The following DGKG variants were observed in gnomAD, a reference collection of about 807,000 sequenced individuals.
DGKG encodes the protein DAG kinase gamma.
Under a neutral mutation model 105.3 loss-of-function variants are expected in DGKG, and 78 were observed. That is an observed-to-expected ratio of 0.74 (90% CI 0.62 to 0.89). DGKG has a LOEUF of 0.89. Among genes scored for constraint, DGKG ranks in the 40% least tolerant of loss-of-function variants. The pLI, the probability that DGKG is intolerant of heterozygous loss-of-function variation, is 0.00. For missense variants in DGKG, 958 were observed against 1,020.1 expected, an observed-to-expected ratio of 0.94 and a Z score of 0.83; for synonymous variants, 346 against 367.1, an observed-to-expected ratio of 0.94 and a Z score of 0.66.
chr3:186,270,304 TC>T (rs1349026695), intron 11 of DGKG, among the ~76,000 whole-genome samples: 1 of 152,196 alleles, frequency 6.6e-6, no homozygotes, highest in Non-Finnish European at 1.5e-5. Flanking sequence ...TTTTGTATCT[TC>T]TTTTTGTAAA....
Position 186,203,815 on chromosome 3 carries a change from T to C in DGKG, c.1917+7980A>G, listed in dbSNP as rs1718590449. 6.6e-6 allele frequency among the ~76,000 whole-genome samples: 1 copy of C among 152,240 alleles called. No homozygotes were observed. Among genetic ancestry groups the C allele is most frequent in the African/African-American group, 2.4e-5 (1 of 41,476 alleles). On this transcript the variant is annotated intron_variant, in intron 21 of 24. Transcript: ENST00000265022. The surrounding 1 kb of genome is among the most constrained non-coding windows in gnomAD (Gnocchi z 4.9). ...CTTCCCCATGCGTGTTTCCATTTCT[T>C]CCACTGTGGCGGCATGGACAGGCTG...
At chr3:186,187,860 G>T (rs947267620) in intron 22 of DGKG, among the ~76,000 whole-genome samples, 1 of 152,092 alleles carries the variant, frequency 6.6e-6, no homozygotes, top group Non-Finnish European at 1.5e-5. Flanking sequence ...TGATCAGCTG[G>T]GTCACATGCC....
chr3:186,159,661 A>C (rs2108474624), intron 24 of DGKG: 1 of 152,338 alleles, frequency 6.6e-6, no homozygotes, highest in African/African-American at 2.4e-5. Context: ...GTATACCTTC[A>C]AGAAGATGTT....
intron 1 of DGKG, among the ~76,000 whole-genome samples, chr3:186,347,137 G>A (rs541113769): frequency 4.3e-4 from 65 of 151,986 alleles, no homozygotes; most frequent in African/African-American, 1.3e-3. Flanking sequence ...TGACCAATGC[G>A]TGGTTCTTTG....
intron 19 of DGKG, among the ~76,000 whole-genome samples, chr3:186,245,469 A>T (rs1311318888): frequency 2.0e-5 from 3 of 152,188 alleles, no homozygotes; most frequent in Non-Finnish European, 4.4e-5. Context: ...ATCAGTAGTG[A>T]CTTCATTTAA....
At chr3:186,170,747 G>A (rs1187094376) in intron 22 of DGKG, among the ~76,000 whole-genome samples, 8 of 152,152 alleles carry the variant, frequency 5.3e-5, no homozygotes, top group Admixed American at 5.2e-4. Flanking sequence ...CATTCACCCG[G>A]ACAACTCCCA....
rs1256788684 is a variant in DGKG, at chr3:186,275,610, T to C, written c.847A>G (p.Thr283Ala). ...AWTMKHFKKP[T>A]YCNFCHIMLM... ...ATGATATGGCAGAAGTTGCAGTAGG[T>C]TGGTTTCTTGAAGTGCTTCATGGTC... is the stretch of plus-strand genomic sequence containing the variant. Residue 283 changes from threonine to alanine, a missense_variant, in exon 10 of 25, where the codon ACC (threonine) becomes GCC (alanine). Transcript: ENST00000265022. 3 of 1,614,162 alleles carry C rather than the reference T, an allele frequency of 1.9e-6. No homozygotes were observed. Among genetic ancestry groups the C allele is most frequent in the Admixed American group, 1.7e-5 (1 of 60,028 alleles).
chr3:186,298,166 G>T lies in DGKG; in HGVS notation c.208C>A (p.Pro70Thr), dbSNP rs779717683. The T allele has an allele frequency of 1.1e-5, 17 of 1,613,976 alleles. No individual in the cohort carries two copies. Among genetic ancestry groups the T allele is most frequent in the African/African-American group, 1.3e-5 (1 of 74,936 alleles). ...RAYLEVDLPQ[P>T]LSTHLFLAFS... Reference sequence around the variant, plus strand: ...GCCAGGAAGAGGTGAGTGCTCAGTGGCTGGGGAAGGTCCACCTCCAGGTAC... The same window carrying T: ...GCCAGGAAGAGGTGAGTGCTCAGTGTCTGGGGAAGGTCCACCTCCAGGTAC... Residue 70 changes from proline to threonine, a missense_variant, in exon 4 of 25, where the codon CCA (proline) becomes ACA (threonine). Around this residue, in one of 2 missense-constraint regions of DGKG, gnomAD observed 643 missense variants for 619.5 expected, o/e 1.04. Coordinates refer to ENST00000265022, the MANE Select transcript of DGKG (RefSeq NM_001346.3).
chr3:186,315,368 C>T (rs1370149652), intron 2 of DGKG, among the ~76,000 whole-genome samples: 5 of 152,328 alleles, frequency 3.3e-5, no homozygotes, highest in Middle Eastern at 3.4e-3. Context: ...TTTAATACAA[C>T]GAGCTCTTCT....
At chr3:186,180,338 T>C (rs191885299) in intron 22 of DGKG, among the ~76,000 whole-genome samples, 120 of 152,236 alleles carry the variant, frequency 7.9e-4, no homozygotes, top group African/African-American at 2.8e-3. Context: ...TGTGATTTCC[T>C]GTGAAAAGCA....
At position 186,150,108 on chromosome 3, in the gene DGKG, C is replaced by A; in HGVS notation, c.2358G>T (p.Lys786Asn). The A allele has an allele frequency of 6.2e-7, 1 of 1,613,588 alleles. No homozygotes were observed. The highest frequency in any genetic ancestry group is 8.5e-7 in the Non-Finnish European group (1 of 1,179,760). Residue 786 changes from lysine (K) to asparagine (N), a missense_variant, in exon 25 of 25, where the codon AAG becomes AAT. Transcript: ENST00000265022. ...QKSSFFSLRR[K>N]SRSKD ...ACACTGTTTAGTCTTTTGAACGGCT[C>A]TTCCTTCTCAACGAGAAGAAGCTGC...
At chr3:186,161,905 G>T (rs1231946693) in intron 23 of DGKG, among the ~76,000 whole-genome samples, 2 of 152,114 alleles carry the variant, frequency 1.3e-5, no homozygotes. Context: ...GTGTGTGTGT[G>T]TGTTTTGAGA....
intron 24 of DGKG, among the ~76,000 whole-genome samples, chr3:186,153,052 A>G (rs1472024433): frequency 6.8e-6 from 1 of 146,678 alleles, no homozygotes; most frequent in Non-Finnish European, 1.5e-5. Flanking sequence ...GCTAGTTAGT[A>G]CCTCCAGGGC....
chr3:186,342,732 C>A (rs1185976902), intron 1 of DGKG, among the ~76,000 whole-genome samples: 14 of 151,862 alleles, frequency 9.2e-5, no homozygotes, highest in Admixed American at 9.2e-4. Flanking sequence ...AATAAGTAGC[C>A]AAGAAGTCTA....
chr3:186,198,165 A>G (rs1718276202), intron 21 of DGKG, among the ~76,000 whole-genome samples: 1 of 152,198 alleles, frequency 6.6e-6, no homozygotes, highest in Non-Finnish European at 1.5e-5. Context: ...GTGTTCTTTG[A>G]AGAAACGTGA....
chr3:186,190,546 A>T (rs1403325414), intron 21 of DGKG, among the ~76,000 whole-genome samples: 1 of 152,192 alleles, frequency 6.6e-6, no homozygotes, highest in Admixed American at 6.5e-5. Context: ...TGCACTGGCC[A>T]TTTTGTTAGT....
At chr3:186,243,578 C>A (rs1323915895) in intron 19 of DGKG, among the ~76,000 whole-genome samples, 1 of 152,172 alleles carries the variant, frequency 6.6e-6, no homozygotes, top group African/African-American at 2.4e-5. Context: ...ACTTGTCTTT[C>A]CTCCTCAAAC....
At chr3:186,344,356 T>A (rs376262104) in intron 1 of DGKG, among the ~76,000 whole-genome samples, 1 of 151,644 alleles carries the variant, frequency 6.6e-6, no homozygotes, top group Non-Finnish European at 1.5e-5. Context: ...CAGTGACAGA[T>A]TGGATAAAGA....
chr3:186,167,475 C>T (rs1274371127), intron 22 of DGKG, among the ~76,000 whole-genome samples: 1 of 152,152 alleles, frequency 6.6e-6, no homozygotes, highest in African/African-American at 2.4e-5. Context: ...TTGGGAAATT[C>T]TGGCATCACT....
Sources: gnomAD v4.1 joint callset for allele counts (sites outside exome capture counted in the v4.1 genomes callset) on GRCh38, gnomAD v4.1.1 for gene constraint, gnomAD v4.1.1 regional missense constraint, Gnocchi (gnomAD v3.1) non-coding constraint, MANE v1.5 for transcripts, NCBI Gene and HGNC (gene_info 2026-07-23, HGNC 2026-07-21) for gene names.